The following GTPBP6 variants were observed in gnomAD, a reference collection of about 807,000 sequenced individuals.
The protein encoded by GTPBP6 is GTP binding protein 6.
GTPBP6 carries 33 observed loss-of-function variants against 28.9 expected under a neutral mutation model. The observed-to-expected ratio is 1.14, with a 90% confidence interval of 0.87 to 1.53. The LOEUF is 1.53. Among genes scored for constraint, GTPBP6 ranks in the 40% most tolerant of loss-of-function variants. The pLI is 0.00. For synonymous variants in GTPBP6, 231 were observed against 192.7 expected, an observed-to-expected ratio of 1.20 and a Z score of -1.65; for missense variants, 507 against 408.3, an observed-to-expected ratio of 1.24 and a Z score of -2.08.
chrX:309,416 G>A (rs73613844), intron 7 of GTPBP6, among the ~76,000 whole-genome samples: 4,376 of 152,206 alleles, frequency 0.029, 194 homozygotes, highest in African/African-American at 0.099. Context: ...ATGAGGTCAG[G>A]GTGGAGCAGA....
chrX:311,556 G>A, exon 7 of GTPBP6: 1 of 1,612,376 alleles, frequency 6.2e-7, no homozygotes, highest in South Asian at 1.1e-5. Context: ...GTGACGTCCA[G>A]CGTGGCAAAC....
At chrX:317,738 C>T (rs1333982919) in intron 1 of GTPBP6, among the ~76,000 whole-genome samples, 1 of 139,944 alleles carries the variant, frequency 7.1e-6, no homozygotes, top group Non-Finnish European at 1.6e-5. Flanking sequence ...CCCACGGACC[C>T]CACGGGCCCC....
intron 9 of GTPBP6, among the ~76,000 whole-genome samples, chrX:306,321 A>G (rs2124442527): frequency 6.8e-6 from 1 of 146,966 alleles, no homozygotes; most frequent in East Asian, 2.1e-4. Context: ...GTACATTTTG[A>G]CTGTCAGTGC....
chrX:313,011 C>T lies in GTPBP6; in HGVS notation c.758-87G>A, dbSNP rs748761214. The T allele has an allele frequency of 1.1e-4, 129 of 1,206,110 alleles. No individual in the cohort carries two copies. In the Admixed American group the frequency reaches 1.2e-3, roughly 11 times the overall value. The allele number at this position is 1,206,110 out of a possible 1,614,324, so 74.7% of individuals were successfully genotyped here. On this transcript the variant is annotated intron_variant, in intron 5 of 9. Transcript: ENST00000326153. ...GTGCCGCGGAGGGTCTGCGGGGGCC[C>T]GGGGCCTGCTCCCGCTCCAGCATCT...
chrX:313,725 G>A (rs1279071735), intron 5 of GTPBP6, among the ~76,000 whole-genome samples: 4 of 151,828 alleles, frequency 2.6e-5, no homozygotes, highest in South Asian at 2.1e-4. Flanking sequence ...GGCAGAGACT[G>A]GAGTGACGCG....
At chrX:307,203 C>T (rs1450685891) in intron 9 of GTPBP6, among the ~76,000 whole-genome samples, 157 bp downstream of exon 9, 2 of 151,874 alleles carry the variant, frequency 1.3e-5, no homozygotes, top group African/African-American at 4.9e-5. Flanking sequence ...TGCACAGTCA[C>T]AAATGTACAT....
chrX:307,125 G>A (rs1246667569), intron 9 of GTPBP6, among the ~76,000 whole-genome samples: 3 of 151,588 alleles, frequency 2.0e-5, no homozygotes, highest in Non-Finnish European at 4.4e-5. Context: ...CACAGATTAG[G>A]CACCTGTTGT....
intron 5 of GTPBP6, among the ~76,000 whole-genome samples, chrX:313,733 G>A (rs191960264): frequency 0.012 from 1,822 of 151,650 alleles, 30 homozygotes; most frequent in African/African-American, 0.042. Flanking sequence ...CTGGAGTGAC[G>A]CGGCCACAAA....
exon 10 of GTPBP6, chrX:305,081 G>A: frequency 1.2e-6 from 2 of 1,612,980 alleles, no homozygotes; most frequent in Non-Finnish European, 1.7e-6. Context: ...CGTTCATCCT[G>A]GAAAGAGCTT....
At chrX:314,061 G>C in intron 5 of GTPBP6, 89 bp downstream of exon 5, 1 of 1,019,226 alleles carries the variant, frequency 9.8e-7, no homozygotes, top group Non-Finnish European at 1.5e-6. Flanking sequence ...ACCCCACCCT[G>C]TTGGAATCTT....
intron 2 of GTPBP6, among the ~76,000 whole-genome samples, chrX:316,709 C>T (rs1156528829): frequency 6.6e-6 from 1 of 152,138 alleles, no homozygotes; most frequent in Non-Finnish European, 1.5e-5. Flanking sequence ...TCTCCAGGGC[C>T]CGGTGTGAAT....
exon 5 of GTPBP6, chrX:314,187 C>T (rs199742046): frequency 4.0e-5 from 65 of 1,613,348 alleles, no homozygotes; most frequent in Admixed American, 1.0e-4. Flanking sequence ...CTCCTCGGTA[C>T]AGGTGGGCGA....
At chrX:312,550 C>G in intron 6 of GTPBP6, 1 of 702,082 alleles carries the variant, frequency 1.4e-6, no homozygotes, top group Non-Finnish European at 2.6e-6. Flanking sequence ...CTGTACCCCA[C>G]ACAGAGACCA....
At chrX:315,620 CACAGACAG>C (rs1236726887) in intron 2 of GTPBP6, among the ~76,000 whole-genome samples, 2,743 of 29,066 alleles carry the variant, frequency 0.094, 3 homozygotes, top group Non-Finnish European at 0.12. Context: ...GACACAGACA[CACAGACAG>C]ACACACAGAG....
chrX:314,043 C>G (rs1250582193), intron 5 of GTPBP6, 107 bp downstream of exon 5: 6 of 886,778 alleles, frequency 6.8e-6, no homozygotes, highest in African/African-American at 1.6e-5. Context: ...GACGGAGACC[C>G]CAGCTGGACC....
intron 7 of GTPBP6, among the ~76,000 whole-genome samples, chrX:309,607 CACAG>C (rs2124452645): frequency 6.6e-6 from 1 of 152,220 alleles, no homozygotes; most frequent in African/African-American, 2.4e-5. Context: ...TCCTAGGAGA[CACAG>C]ACACAGAGAA....
chrX:314,802 C>G (rs1414571412), intron 4 of GTPBP6, 88 bp downstream of exon 4: 2 of 409,806 alleles, frequency 4.9e-6, no homozygotes, highest in African/African-American at 2.0e-5. Flanking sequence ...TCCTCACGCA[C>G]CCCCAGAACG....
chrX:307,261 G>A (rs1279155672), intron 9 of GTPBP6, 99 bp downstream of exon 9: 5 of 1,082,574 alleles, frequency 4.6e-6, no homozygotes, highest in African/African-American at 1.6e-5. Flanking sequence ...AGCTCTCGGG[G>A]ATCTCACAGC....
chrX:314,350 CCGCGTGTAGCTCACACACTGTGAGTGA>C, intron 4 of GTPBP6, 133 bp from the exon 5 acceptor site: 1 of 757,962 alleles, frequency 1.3e-6, no homozygotes, highest in Non-Finnish European at 2.4e-6. Flanking sequence ...CGGCCCCGCT[CCGCGTGTAGCTCACACACTGTGAGTGA>C]CGCGTGTCCC....
Sources: allele counts gnomAD v4.1 joint callset (sites outside exome capture counted in the v4.1 genomes callset), GRCh38; gene constraint gnomAD v4.1.1; transcripts MANE v1.5; gene names NCBI Gene and HGNC (gene_info 2026-07-23, HGNC 2026-07-21).